The following CEP120 variants were observed in gnomAD, a reference collection of about 807,000 sequenced individuals.
The protein encoded by CEP120 is centrosomal protein 120.
CEP120 carries 113 observed loss-of-function variants against 126.5 expected under a neutral mutation model. The observed-to-expected ratio is 0.89, with a 90% confidence interval of 0.77 to 1.04. The LOEUF (loss-of-function observed/expected upper bound fraction) is 1.04. CEP120 is among the 50% of genes least tolerant of loss of function. The probability of loss-of-function intolerance (pLI) is 0.00; values close to 1 mark genes in which losing one functional copy is unlikely to be tolerated. For synonymous variants in CEP120, 400 were observed against 394.3 expected, an observed-to-expected ratio of 1.01 and a Z score of -0.17; for missense variants, 1,230 against 1,155.7, an observed-to-expected ratio of 1.06 and a Z score of -0.93.
chr5:123,367,497 A>G (rs1335831864), intron 17 of CEP120, among the ~76,000 whole-genome samples: 1 of 151,922 alleles, frequency 6.6e-6, no homozygotes, highest in Non-Finnish European at 1.5e-5. Context: ...CAGCACTGAC[A>G]TGACACATAA....
intron 4 of CEP120, among the ~76,000 whole-genome samples, chr5:123,407,322 G>A (rs192830933): frequency 1.3e-5 from 2 of 152,070 alleles, no homozygotes; most frequent in East Asian, 1.9e-4. Context: ...GATTGTCAGA[G>A]TGGACCAAAA....
At position 123,388,471 on chromosome 5, in the gene CEP120, T is replaced by C. The variant is rs776098623; in HGVS notation, c.1391A>G (p.His464Arg). 1.9e-6 allele frequency: 3 copies of C among 1,591,778 alleles called. No individual in the cohort carries two copies. The highest frequency in any genetic ancestry group is 1.8e-5 in the Admixed American group (1 of 54,880). ...GATTGGAAAACCAATCTCCAAGGCA[T>C]GTATACTCCTTAAGTCTATTGAAAA... The part of the protein sequence containing the change: ...FCFSIDLRSI[H>R]ALEIGFPINC... The change falls in exon 9 of 20, where the codon CAT becomes CGT. Residue 464 changes from histidine (H) to arginine (R), a missense_variant. Transcript: ENST00000306467.
intron 3 of CEP120, 89 bp from the exon 4 acceptor site, chr5:123,412,629 T>C (rs1774138714): frequency 1.1e-6 from 1 of 936,742 alleles, no homozygotes; most frequent in African/African-American, 1.7e-5. Flanking sequence ...ATAAATTTAT[T>C]GTAGCTTTTC....
chr5:123,416,232 C>CT, intron 2 of CEP120, 108 bp from the exon 3 acceptor site: 1 of 678,662 alleles, frequency 1.5e-6, no homozygotes, highest in Non-Finnish European at 2.5e-6. Context: ...TTGGATAAAA[C>CT]TGTAACTATT....
rs145436175 is a variant in CEP120, at chr5:123,346,554, T to C, written c.2926A>G (p.Arg976Gly). Residue 976 changes from arginine to glycine, a missense_variant, in exon 20 of 20, where the codon AGA (arginine) becomes GGA (glycine). Coordinates refer to ENST00000306467, the MANE Select transcript of CEP120 (RefSeq NM_001375405.1). The part of the protein sequence containing the change: ...RIISELDRQI[R>G]EILAKSNASN ...GCATTGCTTTTTGCCAAAATCTCTC[T>C]GATCTGTCGGTCGAGTTCACTTATT... 57 of 1,613,264 alleles carry C rather than the reference T, an allele frequency of 3.5e-5. 1 individual carries two copies. The African/African-American group carries it at 7.2e-4, about 20-fold the overall frequency.
In CEP120 at chr5:123,355,048, T is replaced by A. The variant is rs546784757; in HGVS notation, c.2581-4959A>T. Among the ~76,000 whole-genome samples, 135 of 152,060 alleles carry A rather than the reference T, an allele frequency of 8.9e-4. No individual in the cohort carries two copies. The Middle Eastern group carries it at 0.01, about 11-fold the overall frequency. The stretch of plus-strand genomic sequence containing the variant: ...AGAACATGCGGTGTTTGGTTTTTTG[T>A]CCTTGCAATAGTTTGCTGAGAATGA... On this transcript the variant is annotated intron_variant, in intron 18 of 19. Coordinates refer to ENST00000306467, the MANE Select transcript of CEP120 (RefSeq NM_001375405.1).
At chr5:123,388,405 A>T in intron 9 of CEP120, 27 bp downstream of exon 9, 1 of 1,430,314 alleles carries the variant, frequency 7.0e-7, no homozygotes, top group Non-Finnish European at 9.3e-7. Flanking sequence ...TCAGAAAATA[A>T]TACTTTGAAA....
chr5:123,345,039 AAC>A lies in CEP120; in HGVS notation c.*1478_*1479del. 6.6e-6 allele frequency: 1 copy of A among 152,306 alleles called. No homozygotes were observed. Among genetic ancestry groups the A allele is most frequent in the East Asian group, 1.9e-4 (1 of 5,182 alleles). The allele number at this position is 152,306 out of a possible 1,614,324, so 9.4% of individuals were successfully genotyped here. ...CTAGCGTTTGAAAGCAGTCACAGGC[AAC>A]ACACAATGCAATTGAAAGTAAACAG... On this transcript the variant is annotated 3_prime_UTR_variant, in exon 20 of 20. Transcript: ENST00000306467.
chr5:123,412,655 A>T, intron 3 of CEP120, 115 bp from the exon 4 acceptor site: 3 of 673,406 alleles, frequency 4.5e-6, no homozygotes, highest in Non-Finnish European at 6.4e-6. Context: ...TTTATAAACA[A>T]TTTTTTTTTC....
chr5:123,375,976 T>C (rs1273524234), intron 16 of CEP120, among the ~76,000 whole-genome samples: 12 of 151,392 alleles, frequency 7.9e-5, no homozygotes, highest in Non-Finnish European at 1.2e-4. Flanking sequence ...ATAAGCTTAA[T>C]TTTTAACAGC....
At chr5:123,400,601 G>A (rs1406763749) in intron 4 of CEP120, among the ~76,000 whole-genome samples, 1 of 140,930 alleles carries the variant, frequency 7.1e-6, no homozygotes, top group Non-Finnish European at 1.5e-5. Flanking sequence ...CATCAATTCA[G>A]ATATCATATA....
chr5:123,402,115 C>T, intron 4 of CEP120: 11 of 1,578,404 alleles, frequency 7.0e-6, no homozygotes, highest in African/African-American at 4.0e-5. Flanking sequence ...ACCTCCAGGA[C>T]AAGGGGGCTC....
intron 18 of CEP120, among the ~76,000 whole-genome samples, chr5:123,357,098 T>C (rs1441137933): frequency 6.6e-6 from 1 of 152,142 alleles, no homozygotes; most frequent in African/African-American, 2.4e-5. Context: ...TTAGGGATGC[T>C]ATTTTACTGT....
intron 5 of CEP120, among the ~76,000 whole-genome samples, chr5:123,395,601 T>C (rs184093420): frequency 8.5e-5 from 13 of 152,254 alleles, no homozygotes; most frequent in Admixed American, 6.5e-4. Flanking sequence ...ACACAATATG[T>C]GGCCTTTTGT....
rs748630636 is a variant in CEP120, at chr5:123,382,767, C to A, written c.1983G>T (p.Lys661Asn). 3.1e-6 allele frequency: 5 copies of A among 1,612,644 alleles called. No individual in the cohort carries two copies. Among genetic ancestry groups the A allele is most frequent in the Non-Finnish European group, 4.2e-6 (5 of 1,179,410 alleles). Reference protein sequence around the residue: ...YKAALELEMWKEMQEDIFENQ... With the variant: ...YKAALELEMWNEMQEDIFENQ... Reference sequence around the variant, plus strand: ...TTTCAAATATATCTTCTTGCATCTCCTTCCACATTTCTAGCTCAAGTGCTG... The same window carrying A: ...TTTCAAATATATCTTCTTGCATCTCATTCCACATTTCTAGCTCAAGTGCTG... The change falls in exon 13 of 20, where the codon AAG becomes AAT. Residue 661 changes from lysine to asparagine, a missense_variant. Lys to Asn is a moderately conservative substitution (Grantham distance 94). Transcript: ENST00000306467.
rs1455629673 is a variant in CEP120, at chr5:123,362,562, T to C, written c.2580+1934A>G. 5.9e-5 allele frequency among the ~76,000 whole-genome samples: 9 copies of C among 151,874 alleles called. No individual in the cohort carries two copies. The East Asian group carries it at 1.6e-3, about 26-fold the overall frequency. ...CTAATAAAATGGGAATATTACCTGC[T>C]ATGTAGGGATCTTTGTCAGGATTAA... On this transcript the variant is annotated intron_variant, in intron 18 of 19. Transcript: ENST00000306467.
chr5:123,344,936 G>C lies in CEP120; in HGVS notation c.*1583C>G, dbSNP rs1198298775. On this transcript the variant is annotated 3_prime_UTR_variant, in exon 20 of 20. Coordinates refer to ENST00000306467, the MANE Select transcript of CEP120 (RefSeq NM_001375405.1). ...ATTTGTTAAGTTACAATAGCCAAAA[G>C]AGCTTTACAAAAGGCAAAATAAACT... 1 of 152,124 alleles carries C rather than the reference G, an allele frequency of 6.6e-6. No homozygotes were observed. The highest frequency in any genetic ancestry group is 1.5e-5 in the Non-Finnish European group (1 of 68,024). The allele number at this position is 152,124 out of a possible 1,614,324, so 9.4% of individuals were successfully genotyped here. A position where few individuals can be genotyped will look rare whatever the true frequency, so the allele number is the denominator to read the frequency against.
chr5:123,386,541 A>G lies in CEP120; in HGVS notation c.1557T>C (p.His519=). 6.3e-7 allele frequency: 1 copy of G among 1,577,788 alleles called. No homozygotes were observed. Among genetic ancestry groups the G allele is most frequent in the South Asian group, 1.2e-5 (1 of 84,136 alleles). The change falls in exon 10 of 20, where the codon CAT becomes CAC. Residue 519 remains histidine (H), a synonymous_variant. Coordinates refer to ENST00000306467, the MANE Select transcript of CEP120 (RefSeq NM_001375405.1). ...ACCTTAAGAAGGTGTCTTGCAGCTG[A>G]TGAGGCATAGTTGCAAAATCAAATG... ...YCAFDFATMP[H]QLQDTFLRIP...
chr5:123,377,961 TTAATATA>T (rs1258040475), intron 15 of CEP120, among the ~76,000 whole-genome samples: 2 of 152,126 alleles, frequency 1.3e-5, no homozygotes, highest in African/African-American at 4.8e-5. Flanking sequence ...CGACCTATTC[TTAATATA>T]TAAGATATGC....
Sources: allele counts gnomAD v4.1 joint callset (sites outside exome capture counted in the v4.1 genomes callset), GRCh38; gene constraint gnomAD v4.1.1; transcripts MANE v1.5; gene names NCBI Gene and HGNC (gene_info 2026-07-23, HGNC 2026-07-21).